Variants in HS3ST5 observed in about 807,000 individuals in gnomAD.
HS3ST5 encodes the protein heparan sulfate-glucosamine 3-sulfotransferase 5.
In HS3ST5, 10 loss-of-function variants were observed where a neutral mutation model predicts 25.4. That is an observed-to-expected ratio of 0.39 (90% CI 0.24 to 0.67). The LOEUF (loss-of-function observed/expected upper bound fraction) is 0.67. Among genes scored for constraint, HS3ST5 ranks in the 30% least tolerant of loss-of-function variants. The probability of loss-of-function intolerance (pLI) is 0.44; values close to 1 mark genes in which losing one functional copy is unlikely to be tolerated. For synonymous variants in HS3ST5, 170 were observed against 162.4 expected, an observed-to-expected ratio of 1.05 and a Z score of -0.36; for missense variants, 324 against 420.7, an observed-to-expected ratio of 0.77 and a Z score of 2.01.
At chr6:114,223,578 T>C (rs564089863) in intron 2 of HS3ST5, among the ~76,000 whole-genome samples, 2 of 151,942 alleles carry the variant, frequency 1.3e-5, no homozygotes, top group East Asian at 1.9e-4. Context: ...TCTGGAATTA[T>C]ATCCTGCTGT....
intron 1 of HS3ST5, among the ~76,000 whole-genome samples, chr6:114,328,818 G>C (rs893735183): frequency 6.6e-6 from 1 of 152,298 alleles, no homozygotes; most frequent in Non-Finnish European, 1.5e-5. Flanking sequence ...GATATTGAGA[G>C]GGTGGGATAG....
intron 3 of HS3ST5, among the ~76,000 whole-genome samples, chr6:114,067,081 C>T (rs1170381708): frequency 6.6e-6 from 1 of 152,148 alleles, no homozygotes; most frequent in Non-Finnish European, 1.5e-5. Context: ...GTGCAATCAT[C>T]AGCTTCCTTG....
intron 2 of HS3ST5, among the ~76,000 whole-genome samples, chr6:114,204,232 AAG>A (rs1449978862): frequency 6.6e-6 from 1 of 152,186 alleles, no homozygotes; most frequent in Non-Finnish European, 1.5e-5. Flanking sequence ...TGAGGCAGAT[AAG>A]GGCTTTGGGA....
At chr6:114,241,784 TA>T (rs1772140587) in intron 1 of HS3ST5, among the ~76,000 whole-genome samples, 1 of 152,134 alleles carries the variant, frequency 6.6e-6, no homozygotes, top group Non-Finnish European at 1.5e-5. Flanking sequence ...ACTGTTAGAA[TA>T]AGGAGAAGTG....
chr6:114,079,669 C>G (rs1019514709), intron 3 of HS3ST5, among the ~76,000 whole-genome samples: 2 of 152,204 alleles, frequency 1.3e-5, no homozygotes, highest in Admixed American at 6.5e-5. Flanking sequence ...TTAATAGCAG[C>G]TAGAATGGTG....
At chr6:114,152,280 C>T (rs1369288686) in intron 3 of HS3ST5, among the ~76,000 whole-genome samples, 1 of 152,072 alleles carries the variant, frequency 6.6e-6, no homozygotes, top group Admixed American at 6.6e-5. Context: ...TATTAGCATG[C>T]ATTTTCTATT....
chr6:114,065,265 G>T (rs373245111), intron 3 of HS3ST5, among the ~76,000 whole-genome samples: 1 of 152,206 alleles, frequency 6.6e-6, no homozygotes, highest in South Asian at 2.1e-4. Context: ...GACAGATAAT[G>T]TGAAGACAAA....
Position 114,170,336 on chromosome 6 carries a change from G to A in HS3ST5, c.-144-1874C>T, listed in dbSNP as rs528023527. Among the ~76,000 whole-genome samples, 4 of 151,946 alleles carry A rather than the reference G, an allele frequency of 2.6e-5. No homozygotes were observed. The South Asian group carries it at 8.3e-4, about 32-fold the overall frequency. ...CATAATTTATAAAATGATTTTTTGA[G>A]TGTTATTCCTCAATCTTGAAGTTGT... On this transcript the variant is annotated intron_variant, in intron 2 of 4. Coordinates refer to ENST00000312719, the MANE Select transcript of HS3ST5 (RefSeq NM_153612.4).
rs143123081 is a variant in HS3ST5, at chr6:114,087,834, C to A, written c.-32-24957G>T. The stretch of plus-strand genomic sequence containing the variant: ...TATAACATCCTTACAATCTGATACA[C>A]ATCTACATACAAAAGCCTCATTCAG... On this transcript the variant is annotated intron_variant, in intron 3 of 4. Transcript: ENST00000312719. Among the ~76,000 whole-genome samples, 165 of 152,262 alleles carry A rather than the reference C, an allele frequency of 1.1e-3. 1 individual carries two copies. Among genetic ancestry groups the A allele is most frequent in the Non-Finnish European group, 1.9e-3 (129 of 68,014 alleles).
At chr6:114,075,250 G>A (rs1345913160) in intron 3 of HS3ST5, among the ~76,000 whole-genome samples, 3 of 152,204 alleles carry the variant, frequency 2.0e-5, no homozygotes. Context: ...TGTGGCTGTA[G>A]CCTCTGATTC....
chr6:114,214,095 C>T (rs887650667), intron 2 of HS3ST5, among the ~76,000 whole-genome samples: 4 of 152,306 alleles, frequency 2.6e-5, no homozygotes, highest in East Asian at 1.9e-4. Context: ...AGCTTTATTT[C>T]GCCAACTGAA....
At chr6:114,286,244 A>C (rs1774335062) in intron 1 of HS3ST5, among the ~76,000 whole-genome samples, 1 of 152,006 alleles carries the variant, frequency 6.6e-6, no homozygotes, top group African/African-American at 2.4e-5. Context: ...ATTTTATCAA[A>C]AAATTAATAA....
intron 3 of HS3ST5, among the ~76,000 whole-genome samples, chr6:114,082,312 G>A (rs1412852169): frequency 6.6e-6 from 1 of 152,188 alleles, no homozygotes; most frequent in Non-Finnish European, 1.5e-5. Context: ...GTGAGTTGAA[G>A]CTGGTTTTAA....
intron 1 of HS3ST5, among the ~76,000 whole-genome samples, chr6:114,260,935 G>GTTTTA (rs80275428): frequency 6.6e-6 from 1 of 151,714 alleles, no homozygotes; most frequent in Non-Finnish European, 1.5e-5. Context: ...TGACATTAGT[G>GTTTTA]CATCTCCACT....
At chr6:114,215,814 G>A (rs1031999767) in intron 2 of HS3ST5, among the ~76,000 whole-genome samples, 1 of 152,078 alleles carries the variant, frequency 6.6e-6, no homozygotes, top group Non-Finnish European at 1.5e-5. Context: ...CATTACTGTT[G>A]TACAGACTGC....
At chr6:114,255,151 T>C (rs528419246) in intron 1 of HS3ST5, among the ~76,000 whole-genome samples, 2 of 152,290 alleles carry the variant, frequency 1.3e-5, no homozygotes, top group Non-Finnish European at 2.9e-5. Flanking sequence ...AATATACCCA[T>C]TTTAAATGGG....
intron 3 of HS3ST5, among the ~76,000 whole-genome samples, chr6:114,109,217 C>A (rs1172658025): frequency 6.6e-6 from 1 of 152,032 alleles, no homozygotes; most frequent in African/African-American, 2.4e-5. Context: ...ACAGAAGCAA[C>A]CCTTGCACTG....
At chr6:114,207,084 G>A (rs1044647645) in intron 2 of HS3ST5, among the ~76,000 whole-genome samples, 1 of 152,088 alleles carries the variant, frequency 6.6e-6, no homozygotes, top group Non-Finnish European at 1.5e-5. Context: ...TTAGGTTTTG[G>A]CAAGATTATA....
At chr6:114,262,568 A>G (rs1242638980) in intron 1 of HS3ST5, among the ~76,000 whole-genome samples, 3 of 152,174 alleles carry the variant, frequency 2.0e-5, no homozygotes, top group African/African-American at 7.2e-5. Context: ...AAAAAAATTC[A>G]TAGCACATAC....
Sources: gnomAD v4.1 joint callset for allele counts (sites outside exome capture counted in the v4.1 genomes callset) on GRCh38, gnomAD v4.1.1 for gene constraint, MANE v1.5 for transcripts, NCBI Gene and HGNC (gene_info 2026-07-23, HGNC 2026-07-21) for gene names.